Variants in RNF212 observed in about 807,000 individuals in gnomAD.
The protein encoded by RNF212 is ring finger protein 212.
Under a neutral mutation model 34.7 loss-of-function variants are expected in RNF212, and 33 were observed. That is an observed-to-expected ratio of 0.95 (90% confidence interval 0.72 to 1.27). RNF212 has a LOEUF of 1.27. RNF212 is among the 50% of genes most tolerant of loss of function. The probability of loss-of-function intolerance (pLI) is 0.00; values close to 1 mark genes in which losing one functional copy is unlikely to be tolerated. For missense variants in RNF212, 377 were observed against 362.2 expected (o/e 1.04, Z -0.33); for synonymous variants, 140 against 136.1 (o/e 1.03, Z -0.20).
rs1384890476 is a variant in RNF212, at chr4:1,088,845, G to A, written c.303+1937C>T. On this transcript the variant is annotated intron_variant, in intron 4 of 9. Transcript: ENST00000433731. ...GAGGGAGCAAACCCCAAGCATTGGC[G>A]GCTTCCACATGGTATTGGGCCTGCA... Among the ~76,000 whole-genome samples, 6 of 152,216 alleles carry A rather than the reference G, an allele frequency of 3.9e-5. 1 individual carries two copies. The highest frequency in any genetic ancestry group is 2.1e-4 in the South Asian group (1 of 4,834).
rs182941428 is a variant in RNF212 at position 1,100,152 on chromosome 4, T to C, written c.172-3313A>G. 3.9e-5 allele frequency: 13 copies of C among 334,432 alleles called. No individual in the cohort carries two copies. The East Asian group carries it at 1.0e-3, about 27-fold the overall frequency. 20.7% of individuals were successfully genotyped at this position (334,432 alleles called of 1,614,324 possible). Reference sequence around the variant, plus strand: ...ATTTCATCTTCTTTTGCTTGCTGCCTGTGTGGACTTTGCACGGTTTCAGAA... The same window carrying C: ...ATTTCATCTTCTTTTGCTTGCTGCCCGTGTGGACTTTGCACGGTTTCAGAA... On this transcript the variant is annotated intron_variant, in intron 2 of 9. Transcript: ENST00000433731.
At chr4:1,084,935 C>T (rs1415704424) in intron 5 of RNF212, among the ~76,000 whole-genome samples, 1 of 152,222 alleles carries the variant, frequency 6.6e-6, no homozygotes, top group Middle Eastern at 3.2e-3. Flanking sequence ...GGAGCAAGGC[C>T]ACCAGCCAGT....
At chr4:1,099,812 A>G (rs955239691) in intron 2 of RNF212, 5 of 456,118 alleles carry the variant, frequency 1.1e-5, no homozygotes, top group Non-Finnish European at 2.2e-5. Context: ...TCGAGTCCAC[A>G]AGGTCCGACG....
intron 2 of RNF212, among the ~76,000 whole-genome samples, chr4:1,098,432 G>A (rs915419664): frequency 1.6e-4 from 24 of 152,200 alleles, no homozygotes; most frequent in Admixed American, 8.5e-4. Flanking sequence ...ATCCACTCCA[G>A]AATCCACTCC....
At chr4:1,084,186 G>A (rs762351589) in intron 5 of RNF212, among the ~76,000 whole-genome samples, 12 of 152,076 alleles carry the variant, frequency 7.9e-5, no homozygotes, top group Non-Finnish European at 1.8e-4. Flanking sequence ...CCCGACCTCA[G>A]GTAATCTGCC....
At chr4:1,100,720 A>G (rs542560351) in intron 2 of RNF212, 3 of 152,364 alleles carry the variant, frequency 2.0e-5, no homozygotes, top group East Asian at 3.9e-4. Context: ...CGTTTTCCAT[A>G]TTGAAGTTCC....
At chr4:1,092,412 C>T (rs1722331688) in intron 3 of RNF212, among the ~76,000 whole-genome samples, 2 of 152,060 alleles carry the variant, frequency 1.3e-5, no homozygotes, top group South Asian at 2.1e-4. Flanking sequence ...CAGCCAAGAC[C>T]CACTTGTCTG....
At chr4:1,101,399 C>T in intron 2 of RNF212, 1 of 169,514 alleles carries the variant, frequency 5.9e-6, no homozygotes, top group South Asian at 1.4e-4. Flanking sequence ...TTCAAGTGGT[C>T]AAACTCTGGC....
At chr4:1,094,829 C>T (rs1336566309) in intron 3 of RNF212, among the ~76,000 whole-genome samples, 4 of 152,134 alleles carry the variant, frequency 2.6e-5, no homozygotes, top group East Asian at 3.9e-4. Context: ...GGGCATCTTG[C>T]GCAAAGGACC....
rs779604423 is a variant in RNF212, at chr4:1,073,207, C to T, written c.575-14G>A. The T allele has an allele frequency of 2.5e-6, 4 of 1,611,616 alleles. No homozygotes were observed. The South Asian group carries it at 3.3e-5, about 13-fold the overall frequency. On this transcript the variant is annotated splice_polypyrimidine_tract_variant and intron_variant, in intron 9 of 9. Transcript: ENST00000433731. ...TTAGATGTGGCCCTGCGGGAAGATG[C>T]AGGAGACAGCGTGTGGGGAGATGGC...
At position 1,083,562 on chromosome 4, in the gene RNF212, C is replaced by T. The variant is rs181118113; in HGVS notation, c.363-1943G>A. ...CTGAGGCAAGACAATCGCTTGAACC[C>T]GGCAGGCGGAGGTTGAGGTGAGCTG... On this transcript the variant is annotated intron_variant, in intron 5 of 9. Transcript: ENST00000433731. Among the ~76,000 whole-genome samples, 270 of 152,246 alleles carry T rather than the reference C, an allele frequency of 1.8e-3. 2 individuals are homozygous for T. Among genetic ancestry groups the T allele is most frequent in the African/African-American group, 6.2e-3 (258 of 41,548 alleles).
chr4:1,070,718 G>A (rs978368074), downstream of RNF212, among the ~76,000 whole-genome samples: 2 of 152,234 alleles, frequency 1.3e-5, no homozygotes, highest in African/African-American at 4.8e-5. Context: ...CAGAGTTACA[G>A]GTGGTTTTGT....
At chr4:1,085,845 C>T (rs372968790) in intron 5 of RNF212, 51 bp downstream of exon 5, 1 of 1,233,498 alleles carries the variant, frequency 8.1e-7, no homozygotes, top group East Asian at 2.3e-5. Context: ...GACCAATGCA[C>T]ATGGCAGTGG....
Position 1,090,818 on chromosome 4 carries a change from T to A in RNF212, c.267A>T (p.Lys89Asn). Reference protein sequence around the residue: ...ETSQILEFQEKHRKRLLAFYR... With the variant: ...ETSQILEFQENHRKRLLAFYR... Reference sequence around the variant, plus strand: ...AGAAGGCTAACAATCTCTTCCTGTGTTTTTCTTGAAATTCTAAAATCTGAA... The same window carrying A: ...AGAAGGCTAACAATCTCTTCCTGTGATTTTCTTGAAATTCTAAAATCTGAA... Residue 89 changes from lysine (K) to asparagine (N), a missense_variant, in exon 4 of 10, where the codon AAA becomes AAT. Lys to Asn is a moderately conservative substitution (Grantham distance 94). Transcript: ENST00000433731. 1 of 1,593,792 alleles carries A rather than the reference T, an allele frequency of 6.3e-7. No homozygotes were observed. The highest frequency in any genetic ancestry group is 8.6e-7 in the Non-Finnish European group (1 of 1,162,410).
At chr4:1,106,186 C>T (rs748319126) in intron 2 of RNF212, among the ~76,000 whole-genome samples, 1 of 152,050 alleles carries the variant, frequency 6.6e-6, no homozygotes, top group Non-Finnish European at 1.5e-5. Context: ...AGAGCCCACA[C>T]GGTCTGTGAT....
intron 5 of RNF212, 95 bp from the exon 6 acceptor site, chr4:1,081,714 T>A: frequency 1.2e-6 from 1 of 866,324 alleles, no homozygotes; most frequent in Non-Finnish European, 1.9e-6. Flanking sequence ...TCTGAATCAG[T>A]GAAATGTTCT....
chr4:1,081,193 C>T lies in RNF212; in HGVS notation c.464+226G>A, dbSNP rs141035079. Among the ~76,000 whole-genome samples, 265 of 152,354 alleles carry T rather than the reference C, an allele frequency of 1.7e-3. 6 individuals are homozygous for T. In the South Asian group the frequency reaches 0.044, roughly 25 times the overall value. On this transcript the variant is annotated intron_variant, in intron 7 of 9. Coordinates refer to ENST00000433731, the MANE Select transcript of RNF212 (RefSeq NM_001131034.4). ...TGATCATTCCCAAACCAATCACTGT[C>T]GCTGCAGGATGGAGTGCTCTGATTG... is the stretch of plus-strand genomic sequence containing the variant.
intron 2 of RNF212, among the ~76,000 whole-genome samples, chr4:1,107,006 C>T (rs569887173): frequency 3.2e-4 from 48 of 152,028 alleles, no homozygotes; most frequent in African/African-American, 8.9e-4. Flanking sequence ...ATAATGCAGT[C>T]CTTTTAAGAG....
intron 3 of RNF212, 60 bp from the exon 4 acceptor site, chr4:1,090,898 T>C (rs1398377012): frequency 1.7e-5 from 19 of 1,096,466 alleles, no homozygotes; most frequent in Non-Finnish European, 2.5e-5. Flanking sequence ...GGCTGGAGTT[T>C]TGTTGGGGGA....
Sources: allele counts gnomAD v4.1 joint callset (sites outside exome capture counted in the v4.1 genomes callset), GRCh38; gene constraint gnomAD v4.1.1; transcripts MANE v1.5; gene names NCBI Gene and HGNC (gene_info 2026-07-23, HGNC 2026-07-21).